CLVS1: variants seen among roughly 807,000 people sequenced by gnomAD.
CLVS1 encodes the protein clavesin-1.
In CLVS1, 10 loss-of-function variants were observed where a neutral mutation model predicts 33.1. That is an observed-to-expected ratio of 0.30 (90% CI 0.19 to 0.51). The LOEUF (loss-of-function observed/expected upper bound fraction) is 0.51. CLVS1 is among the 20% of genes least tolerant of loss of function. CLVS1 has a pLI of 0.97. For missense variants in CLVS1, 343 were observed against 433.4 expected (o/e 0.79, Z 1.85); for synonymous variants, 163 against 166.1 (o/e 0.98, Z 0.14).
chr8:61,140,020 G>C (rs1563417709), intron 2 of CLVS1, among the ~76,000 whole-genome samples: 1 of 152,152 alleles, frequency 6.6e-6, no homozygotes, highest in Non-Finnish European at 1.5e-5. Context: ...AAGCAGCCGA[G>C]GTGCGTCTCC....
At chr8:61,357,946 A>C (rs758051421) in intron 2 of CLVS1, among the ~76,000 whole-genome samples, 144 of 152,258 alleles carry the variant, frequency 9.5e-4, no homozygotes, top group Non-Finnish European at 1.4e-3. Context: ...TCCCACTGTG[A>C]TATTCAGACA....
chr8:61,394,183 C>T (rs1373641469), intron 3 of CLVS1, among the ~76,000 whole-genome samples: 2 of 152,188 alleles, frequency 1.3e-5, no homozygotes, highest in Non-Finnish European at 2.9e-5. Context: ...ACTATCTCCT[C>T]TAAAAATACA....
upstream of CLVS1, among the ~76,000 whole-genome samples, chr8:61,283,100 C>T (rs894995486): frequency 6.6e-5 from 10 of 152,118 alleles, no homozygotes; most frequent in Admixed American, 2.0e-4. Context: ...TCTGAGATCC[C>T]GCAGCTAAAT....
chr8:61,011,003 G>C, the CLVS1 span, among the ~76,000 whole-genome samples: 3 of 152,194 alleles, frequency 2.0e-5, no homozygotes, highest in Admixed American at 1.3e-4. Context: ...AGAGTCCCCC[G>C]TATCTGTTAC....
chr8:61,395,590 T>G (rs1035645313), intron 3 of CLVS1, among the ~76,000 whole-genome samples: 2 of 152,180 alleles, frequency 1.3e-5, no homozygotes, highest in Non-Finnish European at 2.9e-5. Context: ...ACAATTATTG[T>G]CAATTCATAA....
At chr8:61,321,113 C>T (rs1811179536) in intron 2 of CLVS1, among the ~76,000 whole-genome samples, 1 of 152,144 alleles carries the variant, frequency 6.6e-6, no homozygotes, top group Admixed American at 6.5e-5. Context: ...CCAAGATTTT[C>T]CCATTCTGGA....
chr8:61,403,499 T>C (rs1814852197), intron 3 of CLVS1, among the ~76,000 whole-genome samples: 1 of 152,120 alleles, frequency 6.6e-6, no homozygotes, highest in South Asian at 2.1e-4. Flanking sequence ...ATTATTTTAG[T>C]GGCTGAGATT....
intron 2 of CLVS1, among the ~76,000 whole-genome samples, chr8:61,340,073 AAAAG>A (rs138152000): frequency 4.0e-5 from 6 of 149,176 alleles, no homozygotes; most frequent in Admixed American, 1.3e-4. Context: ...GAAAGAAAGA[AAAAG>A]AAAGGAAAGA....
At chr8:61,077,259 A>G (rs1804931187) in intron 1 of CLVS1, among the ~76,000 whole-genome samples, 1 of 151,534 alleles carries the variant, frequency 6.6e-6, no homozygotes, top group African/African-American at 2.4e-5. Context: ...TTTTTAGTAG[A>G]GACGGGTTTC....
intron 2 of CLVS1, among the ~76,000 whole-genome samples, chr8:61,235,024 G>A (rs968677222): frequency 2.6e-5 from 4 of 152,130 alleles, no homozygotes; most frequent in African/African-American, 9.7e-5. Context: ...TGCTTTTTCT[G>A]ACTGGTCTAA....
chr8:61,376,286 G>T (rs1407440801), intron 2 of CLVS1, among the ~76,000 whole-genome samples: 1 of 152,158 alleles, frequency 6.6e-6, no homozygotes, highest in Non-Finnish European at 1.5e-5. Flanking sequence ...GAGAAAGATG[G>T]GTAAGGGATG....
chr8:60,987,138 G>A, the CLVS1 span, among the ~76,000 whole-genome samples: 2 of 152,310 alleles, frequency 1.3e-5, no homozygotes, highest in African/African-American at 2.4e-5. Context: ...ACAATGGAAC[G>A]TGATGAGCGC....
upstream of CLVS1, among the ~76,000 whole-genome samples, chr8:61,053,919 G>A (rs1804429208): frequency 6.6e-6 from 1 of 152,162 alleles, no homozygotes; most frequent in Admixed American, 6.5e-5. Flanking sequence ...TAGCATTTGA[G>A]GCTATTCTGG....
the CLVS1 span, among the ~76,000 whole-genome samples, chr8:61,016,561 GC>G: frequency 6.6e-6 from 1 of 152,232 alleles, no homozygotes; most frequent in East Asian, 1.9e-4. Context: ...ATGTATTCAT[GC>G]CTGTCTAATT....
chr8:61,078,183 A>G (rs891592952), intron 1 of CLVS1, among the ~76,000 whole-genome samples: 2 of 152,150 alleles, frequency 1.3e-5, no homozygotes, highest in African/African-American at 4.8e-5. Flanking sequence ...GCTGTGTGGT[A>G]TGGGCTGTGG....
At chr8:61,169,321 C>G (rs1806945130) in intron 2 of CLVS1, among the ~76,000 whole-genome samples, 2 of 152,166 alleles carry the variant, frequency 1.3e-5, no homozygotes, top group Non-Finnish European at 2.9e-5. Context: ...TTGTGCCCAC[C>G]AAGCACAGGG....
At chr8:61,471,925 C>T (rs181283644) in intron 5 of CLVS1, among the ~76,000 whole-genome samples, 2 of 152,344 alleles carry the variant, frequency 1.3e-5, no homozygotes, top group African/African-American at 2.4e-5. Context: ...TGGCCTCCTG[C>T]AGGCCCCTCC....
At chr8:61,448,296 A>G (rs956887324) in intron 3 of CLVS1, among the ~76,000 whole-genome samples, 1 of 152,006 alleles carries the variant, frequency 6.6e-6, no homozygotes, top group African/African-American at 2.4e-5. Context: ...TTTCTAAATT[A>G]TGGAAGTTTT....
intron 2 of CLVS1, among the ~76,000 whole-genome samples, chr8:61,352,373 G>A (rs534143527): frequency 1.8e-4 from 28 of 151,866 alleles, no homozygotes; most frequent in African/African-American, 5.8e-4. Context: ...CAGAAACAGA[G>A]GAATGATCAT....
Sources: allele counts gnomAD v4.1 joint callset (sites outside exome capture counted in the v4.1 genomes callset), GRCh38; gene constraint gnomAD v4.1.1; transcripts MANE v1.5; gene names NCBI Gene and HGNC (gene_info 2026-07-23, HGNC 2026-07-21).